The following TMEM260 variants were observed in gnomAD, a reference collection of about 807,000 sequenced individuals.
TMEM260 encodes the protein protein O-mannosyl-transferase TMEM260.
In TMEM260, 82 loss-of-function variants were observed where a neutral mutation model predicts 88.9. That is an observed-to-expected ratio of 0.92 (90% CI 0.77 to 1.11). TMEM260 has a LOEUF of 1.11. TMEM260 is among the 50% of genes least tolerant of loss of function. The pLI is 0.00. For synonymous variants in TMEM260, 314 were observed against 309.3 expected (o/e 1.02, Z -0.16); for missense variants, 902 against 853.4 (o/e 1.06, Z -0.71).
chr14:56,647,358 T>C lies in TMEM260; in HGVS notation c.1985T>C (p.Val662Ala), dbSNP rs1439030710. The change falls in exon 16 of 16, where the codon GTG becomes GCG. Residue 662 changes from valine to alanine, a missense_variant. Transcript: ENST00000261556. ...CAGGCAAGAGATGCAGATCCTGAAGTGCTGTTATCGGAAACCATCAGACAT... is the reference window on the plus strand; with the variant it reads ...CAGGCAAGAGATGCAGATCCTGAAGCGCTGTTATCGGAAACCATCAGACAT... Reference protein sequence around the residue: ...RLQARDADPEVLLSETIRHFR... With the variant: ...RLQARDADPEALLSETIRHFR... The C allele has an allele frequency of 6.2e-7, 1 of 1,614,216 alleles. No homozygotes were observed. Among genetic ancestry groups the C allele is most frequent in the Non-Finnish European group, 8.5e-7 (1 of 1,180,044 alleles).
intron 12 of TMEM260, among the ~76,000 whole-genome samples, chr14:56,630,364 C>T (rs1888508730): frequency 6.6e-6 from 1 of 152,040 alleles, no homozygotes; most frequent in Non-Finnish European, 1.5e-5. Flanking sequence ...TTTCTTTTCT[C>T]CTTCTGAGAC....
intron 15 of TMEM260, among the ~76,000 whole-genome samples, chr14:56,646,234 T>C (rs1293934263): frequency 6.6e-6 from 1 of 152,234 alleles, no homozygotes; most frequent in Non-Finnish European, 1.5e-5. Context: ...TATTTAAAAA[T>C]AGGTATGCAT....
intron 12 of TMEM260, among the ~76,000 whole-genome samples, chr14:56,626,401 A>G (rs1313030566): frequency 6.6e-6 from 1 of 152,184 alleles, no homozygotes; most frequent in African/African-American, 2.4e-5. Context: ...ATTTTCGAGA[A>G]TTCAATCCCA....
chr14:56,639,980 G>A (rs1265932693), intron 15 of TMEM260, among the ~76,000 whole-genome samples: 4 of 152,232 alleles, frequency 2.6e-5, no homozygotes, highest in Non-Finnish European at 5.9e-5. Context: ...AAACAAAGCA[G>A]CTGGGAAGCT....
chr14:56,628,316 G>A lies in TMEM260; in HGVS notation c.1547+2786G>A, dbSNP rs139512294. Among the ~76,000 whole-genome samples the A allele has an allele frequency of 1.6e-3, 243 of 152,260 alleles. 1 individual carries two copies. The highest frequency in any genetic ancestry group is 3.4e-3 in the Middle Eastern group (1 of 294). On this transcript the variant is annotated intron_variant, in intron 12 of 15. Transcript: ENST00000261556. ...AAAGTTCTGTTTATATTCTAGGTAC[G>A]CAACCTCTGTCAAATATGCAGTTTG...
chr14:56,631,649 A>AGT (rs142793848), intron 12 of TMEM260, among the ~76,000 whole-genome samples: 259 of 150,378 alleles, frequency 1.7e-3, no homozygotes, highest in African/African-American at 6.1e-3. Context: ...GAGACTGTGC[A>AGT]GTGTGTTTAC....
At chr14:56,639,480 A>T (rs1303616939) in intron 15 of TMEM260, among the ~76,000 whole-genome samples, 1 of 152,202 alleles carries the variant, frequency 6.6e-6, no homozygotes, top group Non-Finnish European at 1.5e-5. Context: ...TCAATCTAAC[A>T]GGTCTATATT....
At chr14:56,588,747 C>A (rs531886291) in intron 3 of TMEM260, among the ~76,000 whole-genome samples, 20 of 151,968 alleles carry the variant, frequency 1.3e-4, no homozygotes, top group Non-Finnish European at 2.7e-4. Context: ...TATTTTTAAG[C>A]ATGCATTATG....
At chr14:56,600,260 G>A (rs11158122) in intron 3 of TMEM260, among the ~76,000 whole-genome samples, 133,806 of 152,150 alleles carry the variant, frequency 0.88, 58,978 homozygotes, top group East Asian at 1. Flanking sequence ...TCTTAGAGGC[G>A]TACGTCCTCT....
chr14:56,595,429 T>G (rs1017194599), intron 3 of TMEM260, among the ~76,000 whole-genome samples: 2 of 152,236 alleles, frequency 1.3e-5, no homozygotes, highest in Non-Finnish European at 2.9e-5. Flanking sequence ...GAACCTTCTT[T>G]ACAAATCAAT....
intron 3 of TMEM260, chr14:56,593,416 A>G (rs1885988898): frequency 6.6e-6 from 1 of 152,120 alleles, no homozygotes; most frequent in South Asian, 2.1e-4. Flanking sequence ...CTGGAATGTG[A>G]ATTACGTGGT....
At chr14:56,607,769 A>C (rs1362909762) in intron 5 of TMEM260, among the ~76,000 whole-genome samples, 1 of 152,096 alleles carries the variant, frequency 6.6e-6, no homozygotes, top group African/African-American at 2.4e-5. Flanking sequence ...AATAATTCTG[A>C]TATAAGTGAT....
chr14:56,660,061 T>G, the TMEM260 span, among the ~76,000 whole-genome samples: 1 of 152,218 alleles, frequency 6.6e-6, no homozygotes. Flanking sequence ...TTTCACGCCT[T>G]GCATTCCTAA....
At chr14:56,596,913 TC>T (rs1886283122) in intron 3 of TMEM260, among the ~76,000 whole-genome samples, 1 of 151,936 alleles carries the variant, frequency 6.6e-6, no homozygotes, top group Non-Finnish European at 1.5e-5. Flanking sequence ...GTTCTTAAAA[TC>T]TGGTTTCTTC....
the TMEM260 span, among the ~76,000 whole-genome samples, chr14:56,659,678 G>A: frequency 7.9e-5 from 12 of 152,218 alleles, no homozygotes; most frequent in Admixed American, 4.6e-4. Context: ...CTTCCAGTCC[G>A]GGTTTCTCTC....
the TMEM260 span, among the ~76,000 whole-genome samples, chr14:56,658,932 G>A: frequency 6.6e-6 from 1 of 152,222 alleles, no homozygotes; most frequent in East Asian, 1.9e-4. Context: ...GTTTCTCCAT[G>A]TTGGCCAGGC....
intron 12 of TMEM260, among the ~76,000 whole-genome samples, chr14:56,627,046 A>T (rs891812687): frequency 6.6e-6 from 1 of 151,954 alleles, no homozygotes; most frequent in Admixed American, 6.6e-5. Flanking sequence ...ATTGTTGGCT[A>T]ATATTCTCAT....
At chr14:56,597,275 T>C (rs968580925) in intron 3 of TMEM260, among the ~76,000 whole-genome samples, 2 of 152,324 alleles carry the variant, frequency 1.3e-5, no homozygotes, top group Middle Eastern at 3.4e-3. Flanking sequence ...TTGGAGCATA[T>C]TGGATTTCAG....
rs988268196 is a variant in TMEM260 at position 56,648,343 on chromosome 14, A to G, written c.*846A>G. 2.0e-5 allele frequency: 3 copies of G among 152,534 alleles called. No individual in the cohort carries two copies. Among genetic ancestry groups the G allele is most frequent in the East Asian group, 1.9e-4 (1 of 5,200 alleles). The allele number at this position is 152,534 out of a possible 1,614,324, so 9.4% of individuals were successfully genotyped here. On this transcript the variant is annotated 3_prime_UTR_variant, in exon 16 of 16. Coordinates refer to ENST00000261556, the MANE Select transcript of TMEM260 (RefSeq NM_017799.4). ...TTTTATACATATTACTAAAGAGAACATAGTAAGAAATGCAAATAATAGTTC... is the reference window on the plus strand; with the variant it reads ...TTTTATACATATTACTAAAGAGAACGTAGTAAGAAATGCAAATAATAGTTC...
Sources: gnomAD v4.1 joint callset for allele counts (sites outside exome capture counted in the v4.1 genomes callset) on GRCh38, gnomAD v4.1.1 for gene constraint, MANE v1.5 for transcripts, NCBI Gene and HGNC (gene_info 2026-07-23, HGNC 2026-07-21) for gene names.